FAT3: variants seen among roughly 807,000 people sequenced by gnomAD.
FAT3 encodes protocadherin Fat 3.
In FAT3, 95 loss-of-function variants were observed where a neutral mutation model predicts 310.2. That is an observed-to-expected ratio of 0.31 (90% CI 0.26 to 0.36). FAT3 has a LOEUF of 0.36. Ranked by LOEUF, FAT3 falls within the 10% of genes least tolerant of loss-of-function variation. FAT3 has a pLI of 1.00. For missense variants in FAT3, 5,408 were observed against 5,715.6 expected (o/e 0.95, Z 1.74); for synonymous variants, 2,314 against 2,192.9 (o/e 1.06, Z -1.54).
At chr11:92,602,675 C>T (rs192436175) in intron 3 of FAT3, among the ~76,000 whole-genome samples, 33 of 152,354 alleles carry the variant, frequency 2.2e-4, no homozygotes, top group Admixed American at 3.9e-4. Flanking sequence ...TCCACCTACT[C>T]AGTGCTTCCT....
chr11:92,812,162 T>A (rs1258329970), intron 13 of FAT3, among the ~76,000 whole-genome samples: 1 of 152,162 alleles, frequency 6.6e-6, no homozygotes, highest in Non-Finnish European at 1.5e-5. Context: ...AAAGTGACAA[T>A]TTCTCCGTTT....
chr11:92,361,768 C>T (rs887712160), intron 2 of FAT3, among the ~76,000 whole-genome samples: 1 of 152,164 alleles, frequency 6.6e-6, no homozygotes, highest in African/African-American at 2.4e-5. Context: ...AATAGCATGA[C>T]ATAGCACGTG....
At chr11:92,487,641 A>G (rs2135221506) in intron 2 of FAT3, among the ~76,000 whole-genome samples, 1 of 152,366 alleles carries the variant, frequency 6.6e-6, no homozygotes, top group African/African-American at 2.4e-5. Context: ...CATAAGGTTA[A>G]GTAACTTGCA....
At chr11:92,378,434 C>T (rs2134750311) in intron 2 of FAT3, among the ~76,000 whole-genome samples, 1 of 152,264 alleles carries the variant, frequency 6.6e-6, no homozygotes, top group Non-Finnish European at 1.5e-5. Context: ...TCACCAAGAC[C>T]TCCATACCCT....
At chr11:92,627,319 G>A (rs536002514) in intron 3 of FAT3, among the ~76,000 whole-genome samples, 25 of 152,182 alleles carry the variant, frequency 1.6e-4, no homozygotes, top group Non-Finnish European at 2.8e-4. Flanking sequence ...TATCGCATCA[G>A]GGAAGATAAA....
At chr11:92,386,119 G>GGAAA (rs1949612598) in intron 2 of FAT3, among the ~76,000 whole-genome samples, 1 of 152,048 alleles carries the variant, frequency 6.6e-6, no homozygotes, top group Non-Finnish European at 1.5e-5. Flanking sequence ...AGCCTATGCT[G>GGAAA]GAAAGAAAGA....
chr11:92,844,014 C>T lies in FAT3; in HGVS notation c.10647C>T (p.Pro3549=). ...VRVIEESTHK[P]TAIPLEIFIV... ...TCATTGAGGAAAGCACCCACAAGCC[C>T]ACAGCCATTCCCCTGGAAATTTTCA... Residue 3549 remains proline (P), a synonymous_variant, in exon 19 of 28, where the codon CCC becomes CCT. Coordinates refer to ENST00000525166, the MANE Select transcript of FAT3 (RefSeq NM_001367949.2). The T allele has an allele frequency of 6.2e-7, 1 of 1,614,000 alleles. No homozygotes were observed. Among genetic ancestry groups the T allele is most frequent in the Middle Eastern group, 1.6e-4 (1 of 6,062 alleles).
chr11:92,739,275 T>C (rs993066248), intron 4 of FAT3, among the ~76,000 whole-genome samples: 2 of 152,198 alleles, frequency 1.3e-5, no homozygotes, highest in African/African-American at 2.4e-5. Context: ...AATGACCTGA[T>C]ACCTCATGCA....
At chr11:92,257,423 C>A (rs1215336432) in intron 1 of FAT3, among the ~76,000 whole-genome samples, 1 of 152,018 alleles carries the variant, frequency 6.6e-6, no homozygotes, top group East Asian at 1.9e-4. Context: ...TGGAAAATTG[C>A]TGGAGAGTGA....
intron 3 of FAT3, among the ~76,000 whole-genome samples, chr11:92,570,693 G>T (rs901851019): frequency 1.3e-5 from 2 of 152,152 alleles, no homozygotes; most frequent in Non-Finnish European, 2.9e-5. Context: ...AGGGATATTT[G>T]CTAAGAGCAA....
At chr11:92,628,334 T>A (rs1048300041) in intron 3 of FAT3, among the ~76,000 whole-genome samples, 1 of 152,244 alleles carries the variant, frequency 6.6e-6, no homozygotes, top group Non-Finnish European at 1.5e-5. Context: ...TACCTCCTTA[T>A]AATTTATCTG....
In FAT3 at chr11:92,891,556, G is replaced by A; in HGVS notation, c.*443G>A. The A allele has an allele frequency of 1.2e-5, 2 of 166,908 alleles. No homozygotes were observed. The highest frequency in any genetic ancestry group is 1.5e-4 in the South Asian group (1 of 6,460). 10.3% of individuals were successfully genotyped at this position (166,908 alleles called of 1,614,324 possible). ...AATGAAAATAGTAGTAATGATTGTT[G>A]GAAAAGTTAGTCTCTTAGGCGAAAG... On this transcript the variant is annotated 3_prime_UTR_variant, in exon 28 of 28. Transcript: ENST00000525166.
At chr11:92,725,737 A>T (rs766815467) in intron 4 of FAT3, among the ~76,000 whole-genome samples, 3 of 152,120 alleles carry the variant, frequency 2.0e-5, no homozygotes, top group Non-Finnish European at 4.4e-5. Flanking sequence ...ACATCAGCTG[A>T]TAAAGAGTGT....
At chr11:92,684,334 T>C (rs1349396755) in intron 3 of FAT3, among the ~76,000 whole-genome samples, 1 of 152,058 alleles carries the variant, frequency 6.6e-6, no homozygotes, top group African/African-American at 2.4e-5. Context: ...ATGGGTGGAA[T>C]GGAGATCAAT....
chr11:92,706,899 C>T (rs1944371361), intron 4 of FAT3, among the ~76,000 whole-genome samples: 1 of 152,204 alleles, frequency 6.6e-6, no homozygotes, highest in African/African-American at 2.4e-5. Flanking sequence ...TGAACATTGT[C>T]CGCACAGGCA....
chr11:92,598,130 C>T (rs913211265), intron 3 of FAT3, among the ~76,000 whole-genome samples: 12 of 151,042 alleles, frequency 7.9e-5, no homozygotes, highest in African/African-American at 2.7e-4. Context: ...ACACATAGTA[C>T]TTAACTTTGT....
intron 4 of FAT3, among the ~76,000 whole-genome samples, chr11:92,717,286 G>A (rs2135962967): frequency 6.6e-6 from 1 of 152,272 alleles, no homozygotes; most frequent in South Asian, 2.1e-4. Flanking sequence ...TGAGGACTAG[G>A]AAAAGTAGCA....
At chr11:92,536,452 C>A (rs746460618) in intron 3 of FAT3, among the ~76,000 whole-genome samples, 3 of 152,124 alleles carry the variant, frequency 2.0e-5, no homozygotes, top group Non-Finnish European at 2.9e-5. Context: ...GGGCAAGTGA[C>A]TTCTCTGAGC....
intron 3 of FAT3, among the ~76,000 whole-genome samples, chr11:92,577,571 C>T (rs373280958): frequency 2.0e-5 from 3 of 152,172 alleles, no homozygotes; most frequent in East Asian, 3.9e-4. Flanking sequence ...TGTGGGAAAA[C>T]ATTCAAAATA....
Sources: allele counts gnomAD v4.1 joint callset (sites outside exome capture counted in the v4.1 genomes callset), GRCh38; gene constraint gnomAD v4.1.1; transcripts MANE v1.5; gene names NCBI Gene and HGNC (gene_info 2026-07-23, HGNC 2026-07-21).